TESC: variants seen among roughly 807,000 people sequenced by gnomAD.
The protein encoded by TESC is calcineurin B homologous protein 3.
In TESC, 19 loss-of-function variants were observed where a neutral mutation model predicts 31.0. The observed-to-expected ratio is 0.61, with a 90% confidence interval of 0.43 to 0.90. TESC has a LOEUF of 0.90. Ranked by LOEUF, TESC falls within the 40% of genes least tolerant of loss-of-function variation. The pLI, the probability that TESC is intolerant of heterozygous loss-of-function variation, is 0.00. For missense variants in TESC, 248 were observed against 303.8 expected (o/e 0.82, Z 1.36); for synonymous variants, 109 against 114.8 (o/e 0.95, Z 0.32).
intron 1 of TESC, among the ~76,000 whole-genome samples, chr12:117,082,060 CAA>C (rs61375772): frequency 1.7e-5 from 2 of 119,070 alleles, no homozygotes; most frequent in Admixed American, 8.8e-5. Flanking sequence ...CCCATCTATA[CAA>C]AAAAAAAAAA....
chr12:117,046,845 TG>T lies in TESC; in HGVS notation c.350-8del. 6.4e-7 allele frequency: 1 copy of T among 1,564,202 alleles called. No individual in the cohort carries two copies. The stretch of plus-strand genomic sequence containing the variant: ...TCGTACATGTGGAACAGAACTAGGG[TG>T]GCAGGGGAGAGAGGGGACTCCGTCA... On this transcript the variant is annotated splice_polypyrimidine_tract_variant and splice_region_variant and intron_variant, in intron 4 of 7. Transcript: ENST00000335209.
chr12:117,069,463 T>A (rs1393648863), intron 2 of TESC, among the ~76,000 whole-genome samples: 1 of 152,130 alleles, frequency 6.6e-6, no homozygotes, highest in Non-Finnish European at 1.5e-5. Flanking sequence ...GGTCTGGAAC[T>A]CCTGACCTCA....
chr12:117,088,400 G>A (rs1272869122), intron 1 of TESC, among the ~76,000 whole-genome samples: 2 of 152,174 alleles, frequency 1.3e-5, no homozygotes, highest in East Asian at 3.9e-4. Flanking sequence ...TACAAGGTTG[G>A]CCGGGCACAG....
intron 2 of TESC, among the ~76,000 whole-genome samples, chr12:117,070,278 G>A (rs937221153): frequency 6.6e-6 from 1 of 152,184 alleles, no homozygotes; most frequent in Non-Finnish European, 1.5e-5. Context: ...AAGGCCAGGG[G>A]AACCTTGAAA....
intron 1 of TESC, among the ~76,000 whole-genome samples, chr12:117,085,830 G>T (rs190019840): frequency 6.6e-6 from 1 of 152,130 alleles, no homozygotes; most frequent in African/African-American, 2.4e-5. Flanking sequence ...AGGTGACAAC[G>T]GGATGTCCTC....
intron 1 of TESC, among the ~76,000 whole-genome samples, chr12:117,094,503 C>G (rs1367552541): frequency 1.3e-5 from 2 of 152,158 alleles, no homozygotes; most frequent in Non-Finnish European, 2.9e-5. Context: ...CAAAGGTGAA[C>G]AAGACACGTT....
intron 4 of TESC, among the ~76,000 whole-genome samples, chr12:117,047,727 A>G (rs59348125): frequency 0.15 from 22,511 of 151,752 alleles, 1,789 homozygotes; most frequent in African/African-American, 0.2. Context: ...CTCAGCCGGC[A>G]TTTATTTTTT....
intron 2 of TESC, among the ~76,000 whole-genome samples, chr12:117,072,102 T>C (rs1316439469): frequency 3.3e-5 from 5 of 152,146 alleles, no homozygotes; most frequent in African/African-American, 1.2e-4. Flanking sequence ...GCCTAGAACC[T>C]AAAAGTGGGA....
chr12:117,091,711 T>G (rs781760405), intron 1 of TESC, among the ~76,000 whole-genome samples: 16 of 152,226 alleles, frequency 1.1e-4, no homozygotes, highest in Non-Finnish European at 2.4e-4. Flanking sequence ...CCCCTCCCAC[T>G]GCCCACTACT....
intron 1 of TESC, among the ~76,000 whole-genome samples, chr12:117,075,887 A>ATATATATATATATATGTGTGTGTGTGTG (rs1955055323): frequency 1.6e-5 from 1 of 62,456 alleles, no homozygotes; most frequent in African/African-American, 9.8e-5. Context: ...ATATATATAT[A>ATATATATATATATATGTGTGTGTGTGTG]TATATATATA....
intron 2 of TESC, among the ~76,000 whole-genome samples, chr12:117,063,615 C>G (rs575007335): frequency 1.1e-4 from 16 of 152,306 alleles, no homozygotes; most frequent in Non-Finnish European, 2.4e-4. Flanking sequence ...GCAGCCAGGC[C>G]CCAGATTCTC....
chr12:117,099,093 G>A, intron 1 of TESC, 132 bp downstream of exon 1: 1 of 965,624 alleles, frequency 1.0e-6, no homozygotes, highest in East Asian at 3.4e-5. Flanking sequence ...TTTGAAAGAG[G>A]AGGAGACTGA....
intron 1 of TESC, among the ~76,000 whole-genome samples, chr12:117,080,154 G>C (rs1054625302): frequency 7.9e-5 from 12 of 152,120 alleles, no homozygotes; most frequent in South Asian, 4.1e-4. Context: ...CTAATGAAGA[G>C]TTTCCAGTTA....
rs866109523 is a variant in TESC, at chr12:117,094,742, G to A, written c.58+4483C>T. Among the ~76,000 whole-genome samples the A allele has an allele frequency of 3.9e-5, 6 of 152,210 alleles. No individual in the cohort carries two copies. The South Asian group carries it at 6.2e-4, about 16-fold the overall frequency. On this transcript the variant is annotated intron_variant, in intron 1 of 7. Coordinates refer to ENST00000335209, the MANE Select transcript of TESC (RefSeq NM_017899.4). Reference sequence around the variant, plus strand: ...TAAAGAGACAGGGTTAACGCTGTGCGCGGTGGCTCACACCTGTAATCCCAG... The same window carrying A: ...TAAAGAGACAGGGTTAACGCTGTGCACGGTGGCTCACACCTGTAATCCCAG...
At chr12:117,080,464 C>A (rs1222110416) in intron 1 of TESC, among the ~76,000 whole-genome samples, 7 of 152,130 alleles carry the variant, frequency 4.6e-5, no homozygotes, top group Non-Finnish European at 1.0e-4. Flanking sequence ...AAAAAAAGAA[C>A]ATGCACACAC....
intron 2 of TESC, among the ~76,000 whole-genome samples, chr12:117,069,390 C>T (rs1954934178): frequency 6.6e-6 from 1 of 152,138 alleles, no homozygotes; most frequent in South Asian, 2.1e-4. Flanking sequence ...AAGCACACAC[C>T]ACCACGCCCA....
intron 1 of TESC, among the ~76,000 whole-genome samples, chr12:117,091,034 C>T (rs1955299439): frequency 1.3e-5 from 2 of 152,208 alleles, no homozygotes; most frequent in Admixed American, 1.3e-4. Context: ...GAACGGAAGG[C>T]TTGCTCCTGA....
intron 4 of TESC, among the ~76,000 whole-genome samples, chr12:117,047,479 T>C (rs1044065189): frequency 1.3e-4 from 20 of 152,036 alleles, no homozygotes; most frequent in Non-Finnish European, 2.8e-4. Flanking sequence ...GGCTGTAGTG[T>C]AGTGGCACGA....
chr12:117,091,177 G>A (rs10850757), intron 1 of TESC, among the ~76,000 whole-genome samples: 18,877 of 152,146 alleles, frequency 0.12, 1,238 homozygotes, highest in African/African-American at 0.14. Flanking sequence ...AATTAAGCTG[G>A]AGCAGGCAAC....
Sources: allele counts gnomAD v4.1 joint callset (sites outside exome capture counted in the v4.1 genomes callset), GRCh38; gene constraint gnomAD v4.1.1; transcripts MANE v1.5; gene names NCBI Gene and HGNC (gene_info 2026-07-23, HGNC 2026-07-21).